NRXN1: variants seen among roughly 807,000 people sequenced by gnomAD.
The protein encoded by NRXN1 is neurexin 1, also known as neurexin-1.
A neutral mutation model predicts 150.9 loss-of-function variants in NRXN1; 39 were observed. The ratio of observed to expected loss-of-function variants is 0.26; its 90% confidence interval spans 0.20 to 0.34. The LOEUF is 0.34. Among genes scored for constraint, NRXN1 ranks in the 10% least tolerant of loss-of-function variants. The pLI is 1.00. For synonymous variants in NRXN1, 924 were observed against 757.0 expected (o/e 1.22, Z -3.62); for missense variants, 1,815 against 1,949.9 (o/e 0.93, Z 1.30).
intron 8 of NRXN1, among the ~76,000 whole-genome samples, chr2:50,601,297 C>A (rs1676228927): frequency 6.6e-6 from 1 of 152,116 alleles, no homozygotes; most frequent in Non-Finnish European, 1.5e-5. Flanking sequence ...TTTCAGCATT[C>A]ATCAGACTGA....
chr2:50,736,718 T>C (rs894123746), intron 5 of NRXN1, among the ~76,000 whole-genome samples: 3 of 152,086 alleles, frequency 2.0e-5, no homozygotes, highest in Non-Finnish European at 4.4e-5. Context: ...TTGTGAGGCC[T>C]CTCCAGACAT....
At chr2:50,392,849 T>C (rs776900808) in intron 17 of NRXN1, among the ~76,000 whole-genome samples, 16 of 152,054 alleles carry the variant, frequency 1.1e-4, no homozygotes, top group Non-Finnish European at 1.6e-4. Context: ...CTTGGTACAG[T>C]GGTGTGCACC....
chr2:50,613,854 C>T (rs1205730369), intron 8 of NRXN1, among the ~76,000 whole-genome samples: 11 of 152,074 alleles, frequency 7.2e-5, no homozygotes, highest in Admixed American at 6.6e-4. Context: ...AGGAGAATGG[C>T]GTGAACCCAG....
At chr2:50,204,235 A>C (rs2062399842) in intron 18 of NRXN1, among the ~76,000 whole-genome samples, 1 of 152,160 alleles carries the variant, frequency 6.6e-6, no homozygotes, top group African/African-American at 2.4e-5. Flanking sequence ...GAAAGAAATA[A>C]ATGGGTTGGT....
intron 18 of NRXN1, among the ~76,000 whole-genome samples, chr2:50,128,574 G>A (rs1376610292): frequency 6.6e-6 from 1 of 152,084 alleles, no homozygotes; most frequent in African/African-American, 2.4e-5. Context: ...CGATCTCCCA[G>A]TATAAAATTA....
In NRXN1 at chr2:51,028,177, A is replaced by G; in HGVS notation, c.97T>C (p.Phe33Leu). The G allele has an allele frequency of 6.6e-7, 1 of 1,510,860 alleles. No homozygotes were observed. The highest frequency in any genetic ancestry group is 8.8e-7 in the Non-Finnish European group (1 of 1,133,592). The allele number at this position is 1,510,860 out of a possible 1,614,324, so 93.6% of individuals were successfully genotyped here. A position where few individuals can be genotyped will look rare whatever the true frequency, so the allele number is the denominator to read the frequency against. The change falls in exon 2 of 23, where the codon TTT becomes CTT. Residue 33 changes from phenylalanine (F) to leucine (L), a missense_variant. By Grantham distance (22) the Phe-to-Leu change is conservative. This residue lies in a region of NRXN1 where 554 missense variants were observed against 478.8 expected (regional missense o/e 1.16). Coordinates refer to ENST00000401669, the MANE Select transcript of NRXN1 (RefSeq NM_001330078.2). ...CWAELGSGLE[F>L]PGAEGQWTRF... ...GTCCATTGGCCCTCGGCGCCCGGAA[A>G]CTCCAGCCCGCTGCCCAGCTCCGCC... is the stretch of plus-strand genomic sequence containing the variant.
At chr2:50,724,733 G>C (rs1318313794) in intron 5 of NRXN1, among the ~76,000 whole-genome samples, 3 of 152,090 alleles carry the variant, frequency 2.0e-5, no homozygotes, top group African/African-American at 7.2e-5. Flanking sequence ...TTTTAAAATT[G>C]AGGTAATTAA....
At chr2:50,002,243 A>C (rs1018365546) in intron 21 of NRXN1, among the ~76,000 whole-genome samples, 1 of 152,264 alleles carries the variant, frequency 6.6e-6, no homozygotes, top group African/African-American at 2.4e-5. Flanking sequence ...TTCATTACAC[A>C]GCATAGAAAA....
intron 18 of NRXN1, among the ~76,000 whole-genome samples, chr2:50,093,563 A>C (rs1035556707): frequency 6.6e-6 from 1 of 151,952 alleles, no homozygotes; most frequent in Admixed American, 6.6e-5. Context: ...TGAGCCCCGG[A>C]GGCTGAGGCT....
chr2:50,675,929 T>A (rs973442712), intron 5 of NRXN1, among the ~76,000 whole-genome samples: 1 of 152,060 alleles, frequency 6.6e-6, no homozygotes, highest in African/African-American at 2.4e-5. Context: ...TAAGATCCAG[T>A]CAAAAAGACA....
chr2:51,017,340 T>A (rs998265739), intron 2 of NRXN1, among the ~76,000 whole-genome samples: 6 of 150,776 alleles, frequency 4.0e-5, no homozygotes, highest in Non-Finnish European at 2.9e-5. Flanking sequence ...ATTCTTTTTT[T>A]TTTTTTCTTT....
chr2:50,205,778 T>A (rs1211990568), intron 18 of NRXN1, among the ~76,000 whole-genome samples: 1 of 152,062 alleles, frequency 6.6e-6, no homozygotes, highest in African/African-American at 2.4e-5. Flanking sequence ...GTATTTAAAA[T>A]AAATGAAATA....
intron 5 of NRXN1, among the ~76,000 whole-genome samples, chr2:50,845,845 T>A (rs1177360333): frequency 3.9e-5 from 6 of 152,224 alleles, no homozygotes; most frequent in African/African-American, 1.2e-4. Flanking sequence ...TTTTGAATTT[T>A]TATATTTTCT....
chr2:50,334,472 A>G (rs886736918), intron 17 of NRXN1, among the ~76,000 whole-genome samples: 2 of 152,090 alleles, frequency 1.3e-5, no homozygotes, highest in South Asian at 2.1e-4. Flanking sequence ...CTAAAAGCCT[A>G]TGTCTTTCTT....
At chr2:50,301,828 GC>G (rs1201877549) in intron 17 of NRXN1, among the ~76,000 whole-genome samples, 1 of 152,156 alleles carries the variant, frequency 6.6e-6, no homozygotes, top group African/African-American at 2.4e-5. Flanking sequence ...CCTACTAAGT[GC>G]CAGGGACCAA....
chr2:50,244,405 A>G (rs2066314363), intron 17 of NRXN1, among the ~76,000 whole-genome samples: 1 of 151,826 alleles, frequency 6.6e-6, no homozygotes, highest in Admixed American at 6.6e-5. Context: ...GTCGTATAAA[A>G]CTATGACTCT....
At position 50,558,110 on chromosome 2, in the gene NRXN1, C is replaced by A. The variant is rs547320790; in HGVS notation, c.1321-5085G>T. Among the ~76,000 whole-genome samples the A allele has an allele frequency of 2.0e-5, 3 of 152,308 alleles. No individual in the cohort carries two copies. The East Asian group carries it at 5.8e-4, about 29-fold the overall frequency. On this transcript the variant is annotated intron_variant, in intron 8 of 22. Coordinates refer to ENST00000401669, the MANE Select transcript of NRXN1 (RefSeq NM_001330078.2). ...TAAGATTTACCAGTTCACTTTCTGG[C>A]AGGCCCTCTTATAAGAGTTTTATAT...
chr2:50,472,795 TTGTGTGTGTG>T (rs113192574), intron 15 of NRXN1, among the ~76,000 whole-genome samples: 44 of 138,562 alleles, frequency 3.2e-4, no homozygotes, highest in African/African-American at 9.5e-4. Flanking sequence ...CCCTACAGCC[TTGTGTGTGTG>T]TGTGTGTGTG....
intron 13 of NRXN1, among the ~76,000 whole-genome samples, chr2:50,499,853 C>A (rs2091853853): frequency 6.7e-6 from 1 of 149,496 alleles, no homozygotes; most frequent in African/African-American, 2.5e-5. Context: ...GAGGCTGAGG[C>A]AGGAGAATCG....
Sources: allele counts gnomAD v4.1 joint callset (sites outside exome capture counted in the v4.1 genomes callset), GRCh38; gene constraint gnomAD v4.1.1; regional missense constraint gnomAD v4.1.1; transcripts MANE v1.5; gene names NCBI Gene and HGNC (gene_info 2026-07-23, HGNC 2026-07-21).